Variants in NDFIP2 observed in about 807,000 individuals in gnomAD.
NDFIP2 encodes NEDD4 family-interacting protein 2.
In NDFIP2, 19 loss-of-function variants were observed where a neutral mutation model predicts 36.0. The observed-to-expected ratio is 0.53, with a 90% CI of 0.37 to 0.77. The LOEUF is 0.77. Among genes scored for constraint, NDFIP2 ranks in the 30% least tolerant of loss-of-function variants. The pLI, the probability that NDFIP2 is intolerant of heterozygous loss-of-function variation, is 0.00. For synonymous variants in NDFIP2, 181 were observed against 167.7 expected (o/e 1.08, Z -0.61); for missense variants, 446 against 435.8 (o/e 1.02, Z -0.21).
intron 1 of NDFIP2, among the ~76,000 whole-genome samples, chr13:79,515,858 GT>G (rs11435384): frequency 0.046 from 6,190 of 134,752 alleles, 445 homozygotes; most frequent in African/African-American, 0.17. Flanking sequence ...ATTCTAATCT[GT>G]TTTTTTTTTC....
intron 2 of NDFIP2, among the ~76,000 whole-genome samples, chr13:79,523,773 G>T (rs1167797022): frequency 6.6e-6 from 1 of 152,168 alleles, no homozygotes; most frequent in Admixed American, 6.5e-5. Context: ...TAGTGTTAAG[G>T]CTACTATTGA....
At chr13:79,510,998 C>CAA (rs11425903) in intron 1 of NDFIP2, among the ~76,000 whole-genome samples, 32,025 of 94,954 alleles carry the variant, frequency 0.34, 5,332 homozygotes, top group East Asian at 0.62. Context: ...GACTCTGTCT[C>CAA]AAAAAAAAAA....
At position 79,554,118 on chromosome 13, in the gene NDFIP2, A is replaced by G. The variant is rs931089682; in HGVS notation, c.*1605A>G. 2.6e-5 allele frequency: 4 copies of G among 151,472 alleles called. No individual in the cohort carries two copies. The highest frequency in any genetic ancestry group is 2.1e-4 in the South Asian group (1 of 4,824). The allele number at this position is 151,472 out of a possible 1,614,324, so 9.4% of individuals were successfully genotyped here. The stretch of plus-strand genomic sequence containing the variant: ...GCCTATTTTTTGTTTTGTCTCATTC[A>G]GTTTACTTTCCTGCGTAGAATTTTT... On this transcript the variant is annotated 3_prime_UTR_variant, in exon 8 of 8. Transcript: ENST00000218652.
At chr13:79,537,078 T>C (rs1423412031) in intron 3 of NDFIP2, among the ~76,000 whole-genome samples, 1 of 151,952 alleles carries the variant, frequency 6.6e-6, no homozygotes, top group East Asian at 1.9e-4. Context: ...ATGATGACTT[T>C]TGATAAAATT....
chr13:79,507,207 G>A (rs1420612423), intron 1 of NDFIP2, among the ~76,000 whole-genome samples: 2 of 149,716 alleles, frequency 1.3e-5, no homozygotes, highest in African/African-American at 4.9e-5. Context: ...AATGGATTCA[G>A]TGCTTACCAT....
chr13:79,515,936 TGGG>T (rs1874300856), intron 1 of NDFIP2, among the ~76,000 whole-genome samples: 2 of 123,994 alleles, frequency 1.6e-5, no homozygotes, highest in African/African-American at 3.0e-5. Flanking sequence ...TTTTTTTTTT[TGGG>T]TGGGGGGCAG....
intron 1 of NDFIP2, among the ~76,000 whole-genome samples, chr13:79,483,621 A>T (rs911777173): frequency 3.3e-5 from 5 of 152,158 alleles, no homozygotes; most frequent in Admixed American, 3.3e-4. Flanking sequence ...ATGGTATGCA[A>T]TGTTAATTTT....
intron 2 of NDFIP2, among the ~76,000 whole-genome samples, chr13:79,527,938 A>G (rs1874863470): frequency 1.3e-5 from 2 of 152,036 alleles, no homozygotes; most frequent in Non-Finnish European, 2.9e-5. Flanking sequence ...TTGTAGGCCT[A>G]AGCTAGTGTG....
rs918813708 is a variant in NDFIP2 at position 79,524,412 on chromosome 13, T to C, written c.487+3437T>C. Reference sequence around the variant, plus strand: ...ATGAATGTTACTGCATCAGCAATAGTGATTTCCAGCACTGTATTATGTCAT... The same window carrying C: ...ATGAATGTTACTGCATCAGCAATAGCGATTTCCAGCACTGTATTATGTCAT... On this transcript the variant is annotated intron_variant, in intron 2 of 7. Coordinates refer to ENST00000218652, the MANE Select transcript of NDFIP2 (RefSeq NM_019080.3). Among the ~76,000 whole-genome samples, 3 of 152,214 alleles carry C rather than the reference T, an allele frequency of 2.0e-5. No homozygotes were observed. In the East Asian group the frequency reaches 5.8e-4, roughly 29 times the overall value.
At chr13:79,521,359 G>A (rs1246131521) in intron 2 of NDFIP2, among the ~76,000 whole-genome samples, 1 of 151,906 alleles carries the variant, frequency 6.6e-6, no homozygotes, top group African/African-American at 2.4e-5. Flanking sequence ...CTATTTTTCT[G>A]GCTACAATTT....
rs1182144358 is a variant in NDFIP2 at position 79,493,014 on chromosome 13, C to A, written c.321+11490C>A. 2.0e-5 allele frequency among the ~76,000 whole-genome samples: 3 copies of A among 152,100 alleles called. No homozygotes were observed. The South Asian group carries it at 6.2e-4, about 32-fold the overall frequency. ...ATCTCCATTTCCTGCTCTTTACTTT[C>A]AAGTTCTGCGTGTTCTTTTAACTGT... On this transcript the variant is annotated intron_variant, in intron 1 of 7. Coordinates refer to ENST00000218652, the MANE Select transcript of NDFIP2 (RefSeq NM_019080.3).
intron 2 of NDFIP2, among the ~76,000 whole-genome samples, chr13:79,527,497 G>A (rs1302215416): frequency 6.6e-6 from 1 of 152,044 alleles, no homozygotes; most frequent in Non-Finnish European, 1.5e-5. Context: ...CAACATTTTG[G>A]CCAGCAACAG....
At chr13:79,508,776 C>T (rs578253532) in intron 1 of NDFIP2, among the ~76,000 whole-genome samples, 9 of 152,180 alleles carry the variant, frequency 5.9e-5, no homozygotes, top group Non-Finnish European at 1.3e-4. Context: ...GTCTCAGTCT[C>T]ATTTTACCCA....
intron 1 of NDFIP2, among the ~76,000 whole-genome samples, chr13:79,502,498 AAAG>A (rs1873705233): frequency 6.6e-6 from 1 of 152,148 alleles, no homozygotes; most frequent in African/African-American, 2.4e-5. Flanking sequence ...AAGACTCTTT[AAAG>A]TTGGCTGAGG....
chr13:79,510,389 T>G (rs1338609721), intron 1 of NDFIP2, among the ~76,000 whole-genome samples: 1 of 151,824 alleles, frequency 6.6e-6, no homozygotes, highest in Non-Finnish European at 1.5e-5. Flanking sequence ...TTTGTTTTTT[T>G]TTTTTTGACC....
chr13:79,523,474 C>A (rs1453855112), intron 2 of NDFIP2, among the ~76,000 whole-genome samples: 1 of 152,224 alleles, frequency 6.6e-6, no homozygotes, highest in Non-Finnish European at 1.5e-5. Flanking sequence ...CCCACCTCGG[C>A]CTCCCAAAGT....
In NDFIP2 at chr13:79,509,748, C is replaced by T. The variant is rs530623971; in HGVS notation, c.322-11062C>T. Reference sequence around the variant, plus strand: ...ACGATCACAAGGTCCCACAGTAGGCCTTGCATCTGCAAGCTGAGTAGCAAG... The same window carrying T: ...ACGATCACAAGGTCCCACAGTAGGCTTTGCATCTGCAAGCTGAGTAGCAAG... On this transcript the variant is annotated intron_variant, in intron 1 of 7. Coordinates refer to ENST00000218652, the MANE Select transcript of NDFIP2 (RefSeq NM_019080.3). 3.9e-5 allele frequency among the ~76,000 whole-genome samples: 6 copies of T among 152,112 alleles called. No individual in the cohort carries two copies. The South Asian group carries it at 1.2e-3, about 32-fold the overall frequency.
chr13:79,517,988 A>G (rs946009834), intron 1 of NDFIP2, among the ~76,000 whole-genome samples: 2 of 152,020 alleles, frequency 1.3e-5, no homozygotes, highest in Non-Finnish European at 2.9e-5. Flanking sequence ...TGACACCTTC[A>G]CAATTAATTG....
chr13:79,518,481 G>A (rs1392865485), intron 1 of NDFIP2, among the ~76,000 whole-genome samples: 1 of 152,190 alleles, frequency 6.6e-6, no homozygotes, highest in Non-Finnish European at 1.5e-5. Context: ...GCAATGTGTA[G>A]TAAATTGACC....
Sources: allele counts gnomAD v4.1 joint callset (sites outside exome capture counted in the v4.1 genomes callset), GRCh38; gene constraint gnomAD v4.1.1; transcripts MANE v1.5; gene names NCBI Gene and HGNC (gene_info 2026-07-23, HGNC 2026-07-21).